The following TREML2 variants were observed in gnomAD, a reference collection of about 807,000 sequenced individuals.
TREML2 encodes the protein triggering receptor expressed on myeloid cells like 2, also known as trem-like transcript 2 protein.
A neutral mutation model predicts 25.9 loss-of-function variants in TREML2; 24 were observed. The ratio of observed to expected loss-of-function variants is 0.93; its 90% CI spans 0.67 to 1.30. TREML2 has a LOEUF of 1.30. TREML2 is among the 50% of genes most tolerant of loss of function. The pLI is 0.00. For synonymous variants in TREML2, 139 were observed against 155.2 expected, an observed-to-expected ratio of 0.90 and a Z score of 0.77; for missense variants, 359 against 395.6, an observed-to-expected ratio of 0.91 and a Z score of 0.78.
At position 41,194,836 on chromosome 6, in the gene TREML2, G is replaced by C; in HGVS notation, c.377-3C>G. 1 of 1,549,872 alleles carries C rather than the reference G, an allele frequency of 6.5e-7. No homozygotes were observed. Among genetic ancestry groups the C allele is most frequent in the South Asian group, 1.2e-5 (1 of 80,968 alleles). On this transcript the variant is annotated splice_polypyrimidine_tract_variant and splice_region_variant and intron_variant, in intron 2 of 4. Transcript: ENST00000483722. ...AATGTTCCTCTCAGTTTGGGGAGCT[G>C]AAAGACAGAAAGGGAGGAACGTTAG...
At chr6:41,195,615 C>A (rs1259047800) in intron 2 of TREML2, among the ~76,000 whole-genome samples, 1 of 152,170 alleles carries the variant, frequency 6.6e-6, no homozygotes, top group Non-Finnish European at 1.5e-5. Flanking sequence ...CCAGAACAAG[C>A]AGCATTGGTG....
chr6:41,194,857 G>C (rs777687651), intron 2 of TREML2, 24 bp from the exon 3 acceptor site: 4 of 1,539,606 alleles, frequency 2.6e-6, no homozygotes, highest in Non-Finnish European at 2.6e-6. Flanking sequence ...AGGGAGGAAC[G>C]TTAGATTGAC....
intron 4 of TREML2, 146 bp downstream of exon 4, chr6:41,192,655 C>T (rs548737010): frequency 2.2e-5 from 25 of 1,118,796 alleles, no homozygotes; most frequent in Middle Eastern, 4.2e-4. Context: ...TCCGCCTGGC[C>T]GCCCTCCTCC....
At position 41,192,840 on chromosome 6, in the gene TREML2, T is replaced by C. The variant is rs149428349; in HGVS notation, c.847A>G (p.Ile283Val). 1.9e-6 allele frequency: 3 copies of C among 1,611,316 alleles called. No homozygotes were observed. Among genetic ancestry groups the C allele is most frequent in the African/African-American group, 2.7e-5 (2 of 74,958 alleles). Reference protein sequence around the residue: ...VVLTLLVLMLIMVYGFWKKRH... With the variant: ...VVLTLLVLMLVMVYGFWKKRH... ...TTCTTCCAAAACCCATAGACCATGA[T>C]CAGCATCAGCACCAGGAGGGTCAGC... The change falls in exon 4 of 5, where the codon ATC becomes GTC. Residue 283 changes from isoleucine (I) to valine (V), a missense_variant. By Grantham distance (29) the Ile-to-Val change is conservative. Transcript: ENST00000483722.
Position 41,200,951 on chromosome 6 carries a change from C to T in TREML2, c.55+3G>A, listed in dbSNP as rs1766261591. On this transcript the variant is annotated splice_donor_region_variant and intron_variant, in intron 1 of 4. Transcript: ENST00000483722. ...TCCACAAGTCAGCCCCTTCTCCCCT[C>T]ACCTGAGACGCAACCCTGTGGCCAC... The T allele has an allele frequency of 1.3e-6, 2 of 1,554,164 alleles. No homozygotes were observed. Among genetic ancestry groups the T allele is most frequent in the Non-Finnish European group, 1.7e-6 (2 of 1,151,034 alleles).
chr6:41,198,877 T>C (rs1766226014), intron 1 of TREML2, among the ~76,000 whole-genome samples: 1 of 137,492 alleles, frequency 7.3e-6, no homozygotes, highest in South Asian at 2.3e-4. Flanking sequence ...TTTGTTTTGT[T>C]TTTGAGACGG....
Position 41,198,400 on chromosome 6 carries a change from CT to C in TREML2, c.84del (p.Val29Ter). ...SGPSADSVYT[K>X]VRLLEGETLS... ...AGAGTCTCCCCTTCAAGGAGCCTCA[CT>C]TTTGTGTATACACTGTCAGCAGAGG... On this transcript the variant is annotated frameshift_variant, in exon 2 of 5. Transcript: ENST00000483722. LOFTEE classifies it high-confidence loss of function. 6.2e-7 allele frequency: 1 copy of C among 1,613,886 alleles called. No homozygotes were observed. The highest frequency in any genetic ancestry group is 8.5e-7 in the Non-Finnish European group (1 of 1,179,812).
intron 2 of TREML2, among the ~76,000 whole-genome samples, chr6:41,196,371 C>T (rs530086268): frequency 3.3e-5 from 5 of 152,164 alleles, no homozygotes; most frequent in Middle Eastern, 3.4e-3. Context: ...GTTAGGTGAA[C>T]GGGGAAGGAT....
At chr6:41,200,275 G>A (rs1454335246) in intron 1 of TREML2, among the ~76,000 whole-genome samples, 1 of 152,244 alleles carries the variant, frequency 6.6e-6, no homozygotes, top group East Asian at 1.9e-4. Flanking sequence ...GTGGGAAGCT[G>A]TTTCTCTACC....
chr6:41,192,994 G>C, intron 3 of TREML2, 93 bp from the exon 4 acceptor site: 1 of 1,054,950 alleles, frequency 9.5e-7, no homozygotes, highest in Non-Finnish European at 1.3e-6. Context: ...AACCCTGAGA[G>C]CGTGCCCTTC....
rs1430760644 is a variant in TREML2 at position 41,192,796 on chromosome 6, C to T, written c.886+5G>A. ...TCAGGAGGCTGGGAGGTGGGCTCTA[C>T]TCACTTGCCATGTGTCTCTTCTTCC... On this transcript the variant is annotated splice_donor_5th_base_variant and intron_variant, in intron 4 of 4. Coordinates refer to ENST00000483722, the MANE Select transcript of TREML2 (RefSeq NM_024807.4). 6.2e-7 allele frequency: 1 copy of T among 1,610,822 alleles called. No individual in the cohort carries two copies. The highest frequency in any genetic ancestry group is 1.7e-4 in the Middle Eastern group (1 of 6,052).
At chr6:41,199,141 C>T (rs774634815) in intron 1 of TREML2, among the ~76,000 whole-genome samples, 9 of 152,158 alleles carry the variant, frequency 5.9e-5, no homozygotes, top group Non-Finnish European at 1.0e-4. Context: ...GGATTGCAGG[C>T]GTGAGCCACT....
rs781646812 is a variant in TREML2, at chr6:41,194,586, G to A, written c.624C>T (p.Ser208=). 40 of 1,613,960 alleles carry A rather than the reference G, an allele frequency of 2.5e-5. No homozygotes were observed. The African/African-American group carries it at 5.1e-4, about 20-fold the overall frequency. The change falls in exon 3 of 5, where the codon TCC becomes TCT. Residue 208 remains serine, a synonymous_variant. Transcript: ENST00000483722. ...TSQGPRRTMG[S]QTVTASPSNA... ...TGCTGGGAGACGCGGTCACTGTCTG[G>A]GACCCCATGGTCCTCCTGGGTCCCT...
At chr6:41,195,573 T>C (rs1766146011) in intron 2 of TREML2, among the ~76,000 whole-genome samples, 1 of 152,184 alleles carries the variant, frequency 6.6e-6, no homozygotes, top group African/African-American at 2.4e-5. Flanking sequence ...GGAAGGTGGC[T>C]GAGCTTGAGC....
In TREML2 at chr6:41,198,300, T is replaced by G; in HGVS notation, c.185A>C (p.Lys62Thr). ...GACTCGGGCAAAGCCAGGCTCACAC[T>G]TCTTCTTCCTGATTTTGCACCAAAC... is the stretch of plus-strand genomic sequence containing the variant. ...GKVWCKIRKK[K>T]CEPGFARVWV... Residue 62 changes from lysine to threonine, a missense_variant, in exon 2 of 5, where the codon AAG becomes ACG. By Grantham distance (78) the Lys-to-Thr change is moderately conservative. Coordinates refer to ENST00000483722, the MANE Select transcript of TREML2 (RefSeq NM_024807.4). The G allele has an allele frequency of 6.2e-7, 1 of 1,612,772 alleles. No homozygotes were observed. The highest frequency in any genetic ancestry group is 1.7e-4 in the Middle Eastern group (1 of 6,056).
chr6:41,194,922 G>A (rs377691506), intron 2 of TREML2, 89 bp from the exon 3 acceptor site: 1 of 1,275,596 alleles, frequency 7.8e-7, no homozygotes, highest in South Asian at 1.5e-5. Flanking sequence ...TTGCCTGGAA[G>A]CCTGGATGGG....
Position 41,198,098 on chromosome 6 carries a change from A to G in TREML2, c.376+11T>C. On this transcript the variant is annotated intron_variant, in intron 2 of 4. Coordinates refer to ENST00000483722, the MANE Select transcript of TREML2 (RefSeq NM_024807.4). ...CCTCCACCCGTCCCAGAGCCACTGCAGCCTGCTCACCTGGAGACACATCCA... is the reference window on the plus strand; with the variant it reads ...CCTCCACCCGTCCCAGAGCCACTGCGGCCTGCTCACCTGGAGACACATCCA... The G allele has an allele frequency of 6.4e-7, 1 of 1,574,100 alleles. No individual in the cohort carries two copies. The highest frequency in any genetic ancestry group is 8.7e-7 in the Non-Finnish European group (1 of 1,155,972).
intron 1 of TREML2, among the ~76,000 whole-genome samples, chr6:41,200,404 G>T (rs1472614092): frequency 2.0e-5 from 3 of 152,094 alleles, no homozygotes; most frequent in African/African-American, 7.2e-5. Context: ...CCCCCACCAT[G>T]CCCAGAACTG....
intron 1 of TREML2, among the ~76,000 whole-genome samples, chr6:41,198,870 G>A (rs1766225795): frequency 6.7e-6 from 1 of 149,550 alleles, no homozygotes; most frequent in African/African-American, 2.5e-5. Context: ...GTTTTGTTTT[G>A]TTTTGTTTTT....
Sources: gnomAD v4.1 joint callset for allele counts (sites outside exome capture counted in the v4.1 genomes callset) on GRCh38, gnomAD v4.1.1 for gene constraint, MANE v1.5 for transcripts, NCBI Gene and HGNC (gene_info 2026-07-23, HGNC 2026-07-21) for gene names.